The following CXXC1 variants were observed in gnomAD, a reference collection of about 807,000 sequenced individuals.
The protein encoded by CXXC1 is CXXC-type zinc finger protein 1.
CXXC1 carries 21 observed loss-of-function variants against 83.6 expected under a neutral mutation model. The ratio of observed to expected loss-of-function variants is 0.25; its 90% CI spans 0.18 to 0.36. The LOEUF is 0.36. Ranked by LOEUF, CXXC1 falls within the 10% of genes least tolerant of loss-of-function variation. The probability of loss-of-function intolerance (pLI) is 1.00; values close to 1 mark genes in which losing one functional copy is unlikely to be tolerated. For missense variants in CXXC1, 688 were observed against 919.5 expected (o/e 0.75, Z 3.26); for synonymous variants, 371 against 337.5 (o/e 1.10, Z -1.09).
At position 50,285,514 on chromosome 18, in the gene CXXC1, G is replaced by A. The variant is rs1475840742; in HGVS notation, c.640-163C>T. On this transcript the variant is annotated intron_variant, in intron 5 of 14. Coordinates refer to ENST00000285106, the MANE Select transcript of CXXC1 (RefSeq NM_014593.4). This position sits in a 1 kb window ranked among gnomAD's most constrained non-coding sequence, Gnocchi z 4.4. ...CTGCCTGATCTGTACCAACATGCAT[G>A]ACCACCTGAAAACACCTGGCCCCAC... 3.0e-6 allele frequency: 3 copies of A among 1,004,640 alleles called. No homozygotes were observed. In the Admixed American group the frequency reaches 8.6e-5, roughly 29 times the overall value. The allele number at this position is 1,004,640 out of a possible 1,614,324, so 62.2% of individuals were successfully genotyped here. A position where few individuals can be genotyped will look rare whatever the true frequency, so the allele number is the denominator to read the frequency against.
In CXXC1 at chr18:50,286,015, C is replaced by T. The variant is rs1392441712; in HGVS notation, c.459+7G>A. 2 of 1,613,756 alleles carry T rather than the reference C, an allele frequency of 1.2e-6. No individual in the cohort carries two copies. Among genetic ancestry groups the T allele is most frequent in the Admixed American group, 1.7e-5 (1 of 60,014 alleles). ...TACACATCCATTCACTTTATGCAGC[C>T]ACTCACCTGGCTGGGTGTGGCCACC... On this transcript the variant is annotated splice_region_variant and intron_variant, in intron 4 of 14. Transcript: ENST00000285106.
Position 50,286,591 on chromosome 18 carries a change from G to A in CXXC1, c.171C>T (p.Ile57=). 4 of 1,614,136 alleles carry A rather than the reference G, an allele frequency of 2.5e-6. No individual in the cohort carries two copies. The highest frequency in any genetic ancestry group is 4.5e-5 in the East Asian group (2 of 44,858). The change falls in exon 3 of 15, where the codon ATC becomes ATT. Residue 57 remains isoleucine (I), a synonymous_variant. Coordinates refer to ENST00000285106, the MANE Select transcript of CXXC1 (RefSeq NM_014593.4). The stretch of plus-strand genomic sequence containing the variant: ...GGATGGCCTTGGCCATCTTCTCAGT[G>A]ATCCGGATGCAGTCCCCATGGAACC... ...NEWFHGDCIR[I]TEKMAKAIRE...
intron 9 of CXXC1, 128 bp downstream of exon 9, chr18:50,284,250 A>G: frequency 6.8e-7 from 1 of 1,464,222 alleles, no homozygotes; most frequent in Non-Finnish European, 9.2e-7. Context: ...GGGTAGGTGG[A>G]TGGGTGAGTG....
intron 3 of CXXC1, 103 bp downstream of exon 3, chr18:50,286,436 G>C: frequency 9.0e-7 from 1 of 1,114,576 alleles, no homozygotes; most frequent in Non-Finnish European, 1.3e-6. Context: ...CCCCATTCCA[G>C]CTCACCACAG....
In CXXC1 at chr18:50,285,109, G is replaced by T; in HGVS notation, c.805C>A (p.Pro269Thr). ...TCAGGTGTGGCTGTAGCCTCAGGAG[G>T]CTCCTTGACTGTTGATGACGCCACT... ...GAVASSTVKE[P>T]PEATATPEPL... The change falls in exon 7 of 15, where the codon CCT becomes ACT. Residue 269 changes from proline to threonine, a missense_variant. By Grantham distance (38) the Pro-to-Thr change is conservative. Around this residue, in one of 9 missense-constraint regions of CXXC1, gnomAD observed 190 missense variants for 199.7 expected, o/e 0.95. Transcript: ENST00000285106. The surrounding 1 kb of genome is among the most constrained non-coding windows in gnomAD (Gnocchi z 4.4). 1 of 1,614,216 alleles carries T rather than the reference G, an allele frequency of 6.2e-7. No individual in the cohort carries two copies. The highest frequency in any genetic ancestry group is 8.5e-7 in the Non-Finnish European group (1 of 1,180,038).
Position 50,285,061 on chromosome 18 carries a change from G to A in CXXC1, c.853C>T (p.Pro285Ser), listed in dbSNP as rs1297205994. The change falls in exon 7 of 15, where the codon CCT (proline) becomes TCT (serine). Residue 285 changes from proline (P) to serine (S), a missense_variant. Physicochemically the swap from Pro to Ser is moderately conservative, Grantham distance 74 (BLOSUM62 -1). Around this residue, in one of 9 missense-constraint regions of CXXC1, gnomAD observed 190 missense variants for 199.7 expected, o/e 0.95. Transcript: ENST00000285106. This position sits in a 1 kb window ranked among gnomAD's most constrained non-coding sequence, Gnocchi z 4.4. ...TPEPLSDEDL[P>S]LDPDLYQDFC... The stretch of plus-strand genomic sequence containing the variant: ...TCCTGATACAGGTCAGGATCCAGAG[G>A]TAGGTCCTCATCTGAGAGTGGCTCA... 5.6e-6 allele frequency: 9 copies of A among 1,614,148 alleles called. No individual in the cohort carries two copies. In the East Asian group the frequency reaches 1.8e-4, roughly 32 times the overall value.
rs1164608121 is a variant in CXXC1, at chr18:50,282,865, G to C, written c.1813C>G (p.Arg605Gly). The C allele has an allele frequency of 6.2e-7, 1 of 1,614,012 alleles. No individual in the cohort carries two copies. Among genetic ancestry groups the C allele is most frequent in the African/African-American group, 1.3e-5 (1 of 74,898 alleles). The part of the protein sequence containing the change: ...KLRRAEVDLE[R>G]VRVWYKLDEL... ...GCACAGAAACCTACCACACGCACGCGCTCCAAGTCCACTTCCGCACGCCGC... is the reference window on the plus strand; with the variant it reads ...GCACAGAAACCTACCACACGCACGCCCTCCAAGTCCACTTCCGCACGCCGC... The change falls in exon 14 of 15, where the codon CGC becomes GGC. Residue 605 changes from arginine (R) to glycine (G), a missense_variant. Coordinates refer to ENST00000285106, the MANE Select transcript of CXXC1 (RefSeq NM_014593.4). The surrounding 1 kb of genome is among the most constrained non-coding windows in gnomAD (Gnocchi z 5.8).
In CXXC1 at chr18:50,282,782, G is replaced by A; in HGVS notation, c.1825-43C>T. ...GGAGTCCTAAGCAGGAACACCTGCA[G>A]CCCCGCCTGCCCCGGCCACGTCCGA... is the stretch of plus-strand genomic sequence containing the variant. On this transcript the variant is annotated intron_variant, in intron 14 of 14. Transcript: ENST00000285106. This position sits in a 1 kb window ranked among gnomAD's most constrained non-coding sequence, Gnocchi z 5.8. The A allele has an allele frequency of 1.2e-6, 2 of 1,606,548 alleles. No individual in the cohort carries two copies. The highest frequency in any genetic ancestry group is 1.7e-6 in the Non-Finnish European group (2 of 1,176,178).
chr18:50,285,205 G>T lies in CXXC1; in HGVS notation c.709C>A (p.Arg237=). The stretch of plus-strand genomic sequence containing the variant: ...GGCTGCTGTTGGGTGGGCAGTGGCC[G>T]GCGGGGCCTTGGCAGGGACTCTGAG... ...TPSESLPRPR[R]PLPTQQQPQP... is the part of the protein sequence containing the mutation. Residue 237 remains arginine (R), a synonymous_variant, in exon 7 of 15, where the codon CGG becomes AGG. Coordinates refer to ENST00000285106, the MANE Select transcript of CXXC1 (RefSeq NM_014593.4). The surrounding 1 kb of genome is among the most constrained non-coding windows in gnomAD (Gnocchi z 4.4). The T allele has an allele frequency of 6.2e-7, 1 of 1,614,212 alleles. No individual in the cohort carries two copies. The highest frequency in any genetic ancestry group is 1.3e-5 in the African/African-American group (1 of 75,066).
intron 3 of CXXC1, 112 bp downstream of exon 3, chr18:50,286,427 C>T: frequency 2.8e-6 from 3 of 1,081,724 alleles, no homozygotes; most frequent in Non-Finnish European, 4.1e-6. Context: ...ACAATGGAGC[C>T]CCATTCCAGC....
Position 50,285,021 on chromosome 18 carries a change from GCCCCT to G in CXXC1, c.888_892del (p.Gly297LeufsTer2). 6.2e-7 allele frequency: 1 copy of G among 1,614,172 alleles called. No individual in the cohort carries two copies. Among genetic ancestry groups the G allele is most frequent in the Non-Finnish European group, 8.5e-7 (1 of 1,180,028 alleles). ...GCTCACCAGGCCATGGTCATCAAAG[GCCCCT>G]GCACAGAAGTCCTGATACAGGTCAG... On this transcript the variant is annotated frameshift_variant, in exon 7 of 15. Transcript: ENST00000285106. LOFTEE classifies it high-confidence loss of function. This position sits in a 1 kb window ranked among gnomAD's most constrained non-coding sequence, Gnocchi z 4.4.
In CXXC1 at chr18:50,282,810, T is replaced by C. The variant is rs1267464351; in HGVS notation, c.1824+44A>G. 1 of 1,612,026 alleles carries C rather than the reference T, an allele frequency of 6.2e-7. No homozygotes were observed. The highest frequency in any genetic ancestry group is 8.5e-7 in the Non-Finnish European group (1 of 1,178,382). Reference sequence around the variant, plus strand: ...CCGCCTGCCCCGGCCACGTCCGACATGGAAACCTACCACATGCAGCACCAA... The same window carrying C: ...CCGCCTGCCCCGGCCACGTCCGACACGGAAACCTACCACATGCAGCACCAA... On this transcript the variant is annotated intron_variant, in intron 14 of 14. Coordinates refer to ENST00000285106, the MANE Select transcript of CXXC1 (RefSeq NM_014593.4). This position sits in a 1 kb window ranked among gnomAD's most constrained non-coding sequence, Gnocchi z 5.8.
At chr18:50,284,228 G>A (rs1599671394) in intron 9 of CXXC1, 127 bp from the exon 10 acceptor site, 10 of 1,425,016 alleles carry the variant, frequency 7.0e-6, no homozygotes, top group Non-Finnish European at 9.6e-6. Flanking sequence ...ATGGACACAC[G>A]GGCAGGTGGG....
In CXXC1 at chr18:50,284,416, C is replaced by A. The variant is rs1487141155; in HGVS notation, c.1167G>T (p.Lys389Asn). 7 of 1,574,824 alleles carry A rather than the reference C, an allele frequency of 4.4e-6. No homozygotes were observed. ...TCATGCCACAGTCATCTGAGCAATA[C>A]TTGGAGCTGGGCTGGGCGGGGCGCA... The part of the protein sequence containing the change: ...GCVRPAQPSS[K>N]YCSDDCGMKL... Residue 389 changes from lysine (K) to asparagine (N), a missense_variant, in exon 9 of 15, where the codon AAG becomes AAT. By Grantham distance (94) the Lys-to-Asn change is moderately conservative. Coordinates refer to ENST00000285106, the MANE Select transcript of CXXC1 (RefSeq NM_014593.4).
chr18:50,286,980 C>T (rs2040725088), intron 1 of CXXC1, 122 bp from the exon 2 acceptor site: 1 of 705,134 alleles, frequency 1.4e-6, no homozygotes, highest in East Asian at 2.6e-5. Flanking sequence ...ACATCGGGGC[C>T]CCCAAAAAAC....
chr18:50,284,537 C>G lies in CXXC1; in HGVS notation c.1046G>C (p.Arg349Pro). The change falls in exon 9 of 15, where the codon CGG becomes CCG. Residue 349 changes from arginine to proline, a missense_variant. Arg to Pro is a moderately radical substitution (Grantham distance 103). This residue lies in a region of CXXC1 where 190 missense variants were observed against 199.7 expected (regional missense o/e 0.95). Transcript: ENST00000285106. ...KKKEERYKRH[R>P]QKQKHKDKWK... Reference sequence around the variant, plus strand: ...TTTATCCTTGTGCTTCTGCTTCTGCCGATGCCGCTTGTATCGCTCCTCCTT... The same window carrying G: ...TTTATCCTTGTGCTTCTGCTTCTGCGGATGCCGCTTGTATCGCTCCTCCTT... 6.3e-7 allele frequency: 1 copy of G among 1,591,890 alleles called. No individual in the cohort carries two copies. The highest frequency in any genetic ancestry group is 8.6e-7 in the Non-Finnish European group (1 of 1,168,252).
intron 1 of CXXC1, 90 bp downstream of exon 1, chr18:50,287,497 C>A: frequency 6.7e-7 from 1 of 1,484,100 alleles, no homozygotes. Context: ...GGTTATGGCT[C>A]ACCACAGACC....
chr18:50,285,139 C>G lies in CXXC1; in HGVS notation c.775G>C (p.Gly259Arg), dbSNP rs2149298703. 6.2e-7 allele frequency: 1 copy of G among 1,614,220 alleles called. No homozygotes were observed. Among genetic ancestry groups the G allele is most frequent in the East Asian group, 2.2e-5 (1 of 44,884 alleles). The change falls in exon 7 of 15, where the codon GGG becomes CGG. Residue 259 changes from glycine (G) to arginine (R), a missense_variant. Around this residue, in one of 9 missense-constraint regions of CXXC1, gnomAD observed 190 missense variants for 199.7 expected, o/e 0.95. Coordinates refer to ENST00000285106, the MANE Select transcript of CXXC1 (RefSeq NM_014593.4). The surrounding 1 kb of genome is among the most constrained non-coding windows in gnomAD (Gnocchi z 4.4). ...QKLGRIREDE[G>R]AVASSTVKEP... ...TTGACTGTTGATGACGCCACTGCCCCCTCATCTTCACGGATGCGCCCTAAC... is the reference window on the plus strand; with the variant it reads ...TTGACTGTTGATGACGCCACTGCCCGCTCATCTTCACGGATGCGCCCTAAC...
In CXXC1 at chr18:50,285,200, T is replaced by C. The variant is rs199793222; in HGVS notation, c.714A>G (p.Pro238=). 343 of 1,614,076 alleles carry C rather than the reference T, an allele frequency of 2.1e-4. 1 individual carries two copies. In the East Asian group the frequency reaches 7.2e-3, roughly 34 times the overall value. Residue 238 remains proline (P), a synonymous_variant, in exon 7 of 15, where the codon CCA becomes CCG. Transcript: ENST00000285106. This position sits in a 1 kb window ranked among gnomAD's most constrained non-coding sequence, Gnocchi z 4.4. ...PSESLPRPRR[P]LPTQQQPQPS... The stretch of plus-strand genomic sequence containing the variant: ...GCTGTGGCTGCTGTTGGGTGGGCAG[T>C]GGCCGGCGGGGCCTTGGCAGGGACT...
Sources: gnomAD v4.1 joint callset for allele counts on GRCh38, gnomAD v4.1.1 for gene constraint, gnomAD v4.1.1 regional missense constraint, Gnocchi (gnomAD v3.1) non-coding constraint, MANE v1.5 for transcripts, NCBI Gene and HGNC (gene_info 2026-07-23, HGNC 2026-07-21) for gene names.